Variants in DLGAP2 observed in about 807,000 individuals in gnomAD.
DLGAP2 encodes the protein disks large-associated protein 2.
Under a neutral mutation model 100.3 loss-of-function variants are expected in DLGAP2, and 26 were observed. The ratio of observed to expected loss-of-function variants is 0.26; its 90% CI spans 0.19 to 0.36. The LOEUF is 0.36. Ranked by LOEUF, DLGAP2 falls within the 10% of genes least tolerant of loss-of-function variation. DLGAP2 has a pLI of 1.00. For missense variants in DLGAP2, 1,858 were observed against 1,453.2 expected, an observed-to-expected ratio of 1.28 and a Z score of -4.53; for synonymous variants, 886 against 630.1, an observed-to-expected ratio of 1.41 and a Z score of -6.08.
At chr8:1,362,454 G>T (rs1001862209) in intron 3 of DLGAP2, among the ~76,000 whole-genome samples, 1 of 152,050 alleles carries the variant, frequency 6.6e-6, no homozygotes, top group Non-Finnish European at 1.5e-5. Flanking sequence ...GGGCTGGCGT[G>T]GTCCATGTGC....
At chr8:1,668,202 T>C in intron 8 of DLGAP2, 127 bp from the exon 9 acceptor site, 1 of 836,108 alleles carries the variant, frequency 1.2e-6, no homozygotes, top group Non-Finnish European at 1.8e-6. Flanking sequence ...TCACGCTATT[T>C]TTTTAGGCTA....
At chr8:1,075,497 C>T (rs1473000776) in intron 2 of DLGAP2, among the ~76,000 whole-genome samples, 1 of 152,266 alleles carries the variant, frequency 6.6e-6, no homozygotes, top group East Asian at 1.9e-4. Context: ...CTGTCCTCTT[C>T]TGTGATGGCA....
intron 3 of DLGAP2, among the ~76,000 whole-genome samples, chr8:1,450,716 A>AG (rs1307062291): frequency 1.3e-5 from 2 of 151,840 alleles, no homozygotes; most frequent in Non-Finnish European, 2.9e-5. Context: ...TGGGATGAGG[A>AG]GGGGGCCAAG....
At chr8:1,333,017 G>A (rs373281638) in intron 3 of DLGAP2, among the ~76,000 whole-genome samples, 2 of 152,170 alleles carry the variant, frequency 1.3e-5, no homozygotes, top group African/African-American at 4.8e-5. Context: ...TGGAGCATCA[G>A]GGCAGGGGCA....
intron 2 of DLGAP2, among the ~76,000 whole-genome samples, chr8:921,357 C>G (rs926897817): frequency 6.6e-6 from 1 of 151,852 alleles, no homozygotes; most frequent in Non-Finnish European, 1.5e-5. Flanking sequence ...GTCCACGTGT[C>G]CACAGACCCG....
intron 2 of DLGAP2, among the ~76,000 whole-genome samples, chr8:1,143,007 G>A (rs1044210236): frequency 1.3e-5 from 2 of 152,180 alleles, no homozygotes; most frequent in Non-Finnish European, 2.9e-5. Context: ...CCTGAGATTG[G>A]ATTTATAGGA....
intron 2 of DLGAP2, among the ~76,000 whole-genome samples, chr8:1,170,477 C>T (rs575201257): frequency 5.3e-5 from 8 of 152,100 alleles, no homozygotes; most frequent in South Asian, 2.1e-4. Flanking sequence ...CATCCTTGAA[C>T]CTCTGGTAGA....
intron 1 of DLGAP2, among the ~76,000 whole-genome samples, chr8:871,347 T>G (rs1328450695): frequency 6.6e-6 from 1 of 152,218 alleles, no homozygotes; most frequent in Non-Finnish European, 1.5e-5. Context: ...ACATTTCCAT[T>G]TGCACTTTGG....
At chr8:1,298,213 G>A (rs1016364140) in intron 3 of DLGAP2, among the ~76,000 whole-genome samples, 20 of 152,138 alleles carry the variant, frequency 1.3e-4, no homozygotes, top group African/African-American at 4.3e-4. Context: ...GCGAGATAGG[G>A]AGGATTCAGG....
At chr8:743,956 T>G (rs1820550607) in intron 1 of DLGAP2, among the ~76,000 whole-genome samples, 1 of 152,266 alleles carries the variant, frequency 6.6e-6, no homozygotes, top group Non-Finnish European at 1.5e-5. Context: ...AAGACGTGGA[T>G]TCACGTCGTG....
chr8:1,212,678 C>T (rs979096802), intron 2 of DLGAP2, among the ~76,000 whole-genome samples: 2 of 152,046 alleles, frequency 1.3e-5, no homozygotes, highest in Non-Finnish European at 2.9e-5. Flanking sequence ...CAGCAAATGA[C>T]CTCACCCTGG....
At chr8:1,560,631 C>T (rs1052384261) in intron 5 of DLGAP2, among the ~76,000 whole-genome samples, 2 of 152,218 alleles carry the variant, frequency 1.3e-5, no homozygotes, top group Admixed American at 6.5e-5. Flanking sequence ...AGACCGGGCG[C>T]TCCACTGCCC....
intron 1 of DLGAP2, among the ~76,000 whole-genome samples, chr8:757,902 C>G (rs531057826): frequency 3.3e-5 from 5 of 152,298 alleles, no homozygotes; most frequent in East Asian, 3.9e-4. Context: ...CTTGTCTCCT[C>G]GTTTCCCACC....
intron 5 of DLGAP2, among the ~76,000 whole-genome samples, chr8:1,553,802 G>T (rs889914529): frequency 1.3e-5 from 2 of 152,202 alleles, no homozygotes; most frequent in Non-Finnish European, 2.9e-5. Context: ...TTTGTAGGCC[G>T]TGCAGATCCC....
At chr8:877,892 A>G (rs553955817) in intron 1 of DLGAP2, among the ~76,000 whole-genome samples, 1 of 152,360 alleles carries the variant, frequency 6.6e-6, no homozygotes, top group Admixed American at 6.5e-5. Context: ...AAAAATGAAG[A>G]CATCCCAAGT....
At chr8:1,096,388 G>C (rs1364111189) in intron 2 of DLGAP2, among the ~76,000 whole-genome samples, 1 of 152,252 alleles carries the variant, frequency 6.6e-6, no homozygotes, top group South Asian at 2.1e-4. Flanking sequence ...GAGCTTTAGG[G>C]ACCAGTGTGT....
chr8:1,255,844 C>T (rs1315479027), intron 2 of DLGAP2, among the ~76,000 whole-genome samples: 2 of 121,722 alleles, frequency 1.6e-5, no homozygotes, highest in Non-Finnish European at 3.2e-5. Context: ...TGTGTGTGTC[C>T]TCTCCTGCCT....
At chr8:1,099,989 A>C (rs1292341056) in intron 2 of DLGAP2, among the ~76,000 whole-genome samples, 1 of 152,228 alleles carries the variant, frequency 6.6e-6, no homozygotes, top group African/African-American at 2.4e-5. Flanking sequence ...TGAAAATATT[A>C]AATGGAAAAT....
chr8:806,379 C>T (rs1173738106), intron 1 of DLGAP2, among the ~76,000 whole-genome samples: 1 of 152,200 alleles, frequency 6.6e-6, no homozygotes, highest in East Asian at 1.9e-4. Context: ...TGCCGCCAGT[C>T]GTTTCTGGAT....
Sources: gnomAD v4.1 joint callset for allele counts (sites outside exome capture counted in the v4.1 genomes callset) on GRCh38, gnomAD v4.1.1 for gene constraint, MANE v1.5 for transcripts, NCBI Gene and HGNC (gene_info 2026-07-23, HGNC 2026-07-21) for gene names.